The following EZH1 variants were observed in gnomAD, a reference collection of about 807,000 sequenced individuals.
The protein encoded by EZH1 is enhancer of zeste 1 polycomb repressive complex 2 subunit.
A neutral mutation model predicts 100.5 loss-of-function variants in EZH1; 33 were observed. That is an observed-to-expected ratio of 0.33 (90% confidence interval 0.25 to 0.44). The LOEUF (loss-of-function observed/expected upper bound fraction) is 0.44. EZH1 is among the 20% of genes least tolerant of loss of function. EZH1 has a pLI of 1.00. For synonymous variants in EZH1, 272 were observed against 313.8 expected (o/e 0.87, Z 1.41); for missense variants, 475 against 928.4 (o/e 0.51, Z 6.35).
Position 42,706,017 on chromosome 17 carries a change from C to A in EZH1, c.1829G>T (p.Gly610Val). The change falls in exon 16 of 21, where the codon GGA (glycine) becomes GTA (valine). Residue 610 changes from glycine (G) to valine (V), a missense_variant. Physicochemically the swap from Gly to Val is moderately radical, Grantham distance 109. This residue lies in a region of EZH1 where 23 missense variants were observed against 31.9 expected (regional missense o/e 0.72). Coordinates refer to ENST00000428826, the MANE Select transcript of EZH1 (RefSeq NM_001991.5). This position sits in a 1 kb window ranked among gnomAD's most constrained non-coding sequence, Gnocchi z 4.4. Reference protein sequence around the residue: ...VSCKNCSIQRGLKKHLLLAPS... With the variant: ...VSCKNCSIQRVLKKHLLLAPS... ...GAGGAAAGGCCTCACCTTCTTAAGT[C>A]CACGCTGGATGCTGCAGTTTTTACA... 1 of 1,612,610 alleles carries A rather than the reference C, an allele frequency of 6.2e-7. No homozygotes were observed. The highest frequency in any genetic ancestry group is 1.1e-5 in the South Asian group (1 of 90,826).
intron 1 of EZH1, among the ~76,000 whole-genome samples, chr17:42,733,136 G>A (rs2053986974): frequency 6.6e-6 from 1 of 151,794 alleles, no homozygotes. Context: ...GTGGGAGTTT[G>A]AGACCAGCCT....
At chr17:42,738,175 C>CA (rs1175336340) in intron 1 of EZH1, among the ~76,000 whole-genome samples, 3,338 of 55,330 alleles carry the variant, frequency 0.06, 83 homozygotes, top group Non-Finnish European at 0.089. Flanking sequence ...GACTCTGTCT[C>CA]AAAAAAAAAA....
At chr17:42,705,572 T>C (rs2053336384) in intron 16 of EZH1, 1 of 187,364 alleles carries the variant, frequency 5.3e-6, no homozygotes. Flanking sequence ...CAGGCTGGAG[T>C]GCAGTGGTGC....
intron 4 of EZH1, among the ~76,000 whole-genome samples, chr17:42,725,194 C>T (rs2053794168): frequency 6.6e-6 from 1 of 151,898 alleles, no homozygotes; most frequent in African/African-American, 2.4e-5. Context: ...ATTTTAAAAA[C>T]AACTTAATAA....
At chr17:42,717,021 A>G (rs1038149699) in intron 10 of EZH1, among the ~76,000 whole-genome samples, 1 of 152,130 alleles carries the variant, frequency 6.6e-6, no homozygotes, top group Non-Finnish European at 1.5e-5. Context: ...TAATTTTAAA[A>G]GCATGATCTG....
At chr17:42,708,562 G>A (rs1393658891) in intron 14 of EZH1, among the ~76,000 whole-genome samples, 3 of 152,174 alleles carry the variant, frequency 2.0e-5, no homozygotes, top group African/African-American at 7.2e-5. Context: ...AGCTGAGGCA[G>A]GAGAATTGCT....
rs1020705610 is a variant in EZH1 at position 42,706,239 on chromosome 17, T to C, written c.1661-54A>G. 8 of 1,492,088 alleles carry C rather than the reference T, an allele frequency of 5.4e-6. No individual in the cohort carries two copies. The African/African-American group carries it at 1.1e-4, about 21-fold the overall frequency. The allele number at this position is 1,492,088 out of a possible 1,614,324, so 92.4% of individuals were successfully genotyped here. On this transcript the variant is annotated intron_variant, in intron 15 of 20. Coordinates refer to ENST00000428826, the MANE Select transcript of EZH1 (RefSeq NM_001991.5). This position sits in a 1 kb window ranked among gnomAD's most constrained non-coding sequence, Gnocchi z 4.4. ...AAGGGAAATAAGCTAATACTGGGGC[T>C]TGTGGTTGACTCAAGGGACAGCAAA...
intron 3 of EZH1, among the ~76,000 whole-genome samples, chr17:42,728,074 C>A (rs2053858804): frequency 1.3e-5 from 2 of 150,550 alleles, no homozygotes; most frequent in South Asian, 2.1e-4. Flanking sequence ...GCCTCAGCCT[C>A]CCAAAGTGCT....
chr17:42,706,541 A>T lies in EZH1; in HGVS notation c.1661-356T>A, dbSNP rs79733129. Among the ~76,000 whole-genome samples, 11 of 151,836 alleles carry T rather than the reference A, an allele frequency of 7.2e-5. No individual in the cohort carries two copies. Among genetic ancestry groups the T allele is most frequent in the African/African-American group, 1.9e-4 (8 of 41,338 alleles). On this transcript the variant is annotated intron_variant, in intron 15 of 20. Coordinates refer to ENST00000428826, the MANE Select transcript of EZH1 (RefSeq NM_001991.5). This position sits in a 1 kb window ranked among gnomAD's most constrained non-coding sequence, Gnocchi z 4.4. ...CTCCACAAAAAAATTAAAAAAAAAA[A>T]TAGCCATGTGTGGTGACACCTGCCT...
intron 5 of EZH1, 111 bp from the exon 6 acceptor site, chr17:42,723,026 G>T: frequency 7.0e-7 from 1 of 1,426,622 alleles, no homozygotes. Context: ...TCCTGAAAAT[G>T]CCTTTGTCCC....
intron 1 of EZH1, among the ~76,000 whole-genome samples, chr17:42,744,689 C>G (rs962293941): frequency 7.9e-5 from 12 of 152,050 alleles, no homozygotes; most frequent in Non-Finnish European, 1.0e-4. Flanking sequence ...CCTTTGGGCG[C>G]TGGGGCTCCC....
intron 1 of EZH1, among the ~76,000 whole-genome samples, chr17:42,744,019 T>C (rs2054229771): frequency 6.6e-6 from 1 of 152,158 alleles, no homozygotes; most frequent in South Asian, 2.1e-4. Context: ...ATTGCCATCC[T>C]TGCACCCACC....
intron 4 of EZH1, among the ~76,000 whole-genome samples, chr17:42,726,858 TA>T (rs1161566592): frequency 6.6e-6 from 1 of 151,656 alleles, no homozygotes; most frequent in South Asian, 2.1e-4. Flanking sequence ...TATTATTTAT[TA>T]TTTTTTTTGA....
chr17:42,726,437 T>C (rs1181189098), intron 4 of EZH1, among the ~76,000 whole-genome samples: 1 of 151,986 alleles, frequency 6.6e-6, no homozygotes, highest in Admixed American at 6.6e-5. Flanking sequence ...GCTATGATCA[T>C]GACACTGCAC....
intron 10 of EZH1, chr17:42,714,589 C>T (rs533070227): frequency 3.1e-6 from 1 of 318,276 alleles, no homozygotes. Flanking sequence ...CCTTAGCAAG[C>T]AGCAGAAAAT....
At chr17:42,743,026 C>T (rs1008879982) in intron 1 of EZH1, among the ~76,000 whole-genome samples, 4 of 152,116 alleles carry the variant, frequency 2.6e-5, no homozygotes, top group Admixed American at 2.0e-4. Flanking sequence ...CCCACCACCA[C>T]GCCCAGCTAA....
chr17:42,710,625 G>GTTTTTTTTTTTTTTTTT (rs1347789208), intron 12 of EZH1, among the ~76,000 whole-genome samples: 1 of 121,182 alleles, frequency 8.3e-6, no homozygotes, highest in Non-Finnish European at 1.8e-5. Flanking sequence ...TTCTGTTTTT[G>GTTTTTTTTTTTTTTTTT]TTTGTTTTTT....
intron 4 of EZH1, among the ~76,000 whole-genome samples, chr17:42,726,884 C>G (rs899851846): frequency 2.6e-5 from 4 of 151,914 alleles, no homozygotes; most frequent in Admixed American, 6.6e-5. Flanking sequence ...CAGTCTCACT[C>G]TTTCACCCAG....
chr17:42,708,257 G>A (rs1302620902), intron 14 of EZH1, 174 bp from the exon 15 acceptor site: 4 of 665,748 alleles, frequency 6.0e-6, no homozygotes, highest in East Asian at 3.1e-5. Flanking sequence ...AGCTGCAGTG[G>A]GGTGATCTGC....
Sources: gnomAD v4.1 joint callset for allele counts (sites outside exome capture counted in the v4.1 genomes callset) on GRCh38, gnomAD v4.1.1 for gene constraint, gnomAD v4.1.1 regional missense constraint, Gnocchi (gnomAD v3.1) non-coding constraint, MANE v1.5 for transcripts, NCBI Gene and HGNC (gene_info 2026-07-23, HGNC 2026-07-21) for gene names.